GLDN: variants seen among roughly 807,000 people sequenced by gnomAD.
The protein encoded by GLDN is collomin.
Under a neutral mutation model 56.5 loss-of-function variants are expected in GLDN, and 47 were observed. That is an observed-to-expected ratio of 0.83 (90% confidence interval 0.66 to 1.06). GLDN has a LOEUF of 1.06. Ranked by LOEUF, GLDN falls within the 50% of genes least tolerant of loss-of-function variation. The probability of loss-of-function intolerance (pLI) is 0.00; values close to 1 mark genes in which losing one functional copy is unlikely to be tolerated. For missense variants in GLDN, 782 were observed against 714.3 expected (o/e 1.09, Z -1.08); for synonymous variants, 332 against 278.8 (o/e 1.19, Z -1.90).
At chr15:51,383,732 A>C in intron 3 of GLDN, 53 bp from the exon 4 acceptor site, 1 of 1,271,522 alleles carries the variant, frequency 7.9e-7, no homozygotes, top group African/African-American at 1.5e-5. Context: ...ACTTCAGTGA[A>C]TAATTTTTTT....
chr15:51,370,715 G>C (rs1423165170), intron 1 of GLDN, among the ~76,000 whole-genome samples: 1 of 152,154 alleles, frequency 6.6e-6, no homozygotes, highest in Non-Finnish European at 1.5e-5. Context: ...AAATCTGCCA[G>C]GTACAGTGGC....
intron 6 of GLDN, among the ~76,000 whole-genome samples, chr15:51,399,837 C>T (rs2038210318): frequency 6.6e-6 from 1 of 152,192 alleles, no homozygotes; most frequent in Admixed American, 6.5e-5. Context: ...TGCCACCTGC[C>T]AGACAGGCCA....
At chr15:51,361,263 A>G (rs969793260) in intron 1 of GLDN, among the ~76,000 whole-genome samples, 2 of 152,126 alleles carry the variant, frequency 1.3e-5, no homozygotes, top group African/African-American at 2.4e-5. Flanking sequence ...GTTTTCTACA[A>G]TTTTGGCCTC....
rs757916341 is a variant in GLDN at position 51,341,895 on chromosome 15, G to T, written c.211G>T (p.Glu71Ter). The T allele has an allele frequency of 5.7e-6, 9 of 1,587,116 alleles. No homozygotes were observed. Among genetic ancestry groups the T allele is most frequent in the Non-Finnish European group, 6.0e-6 (7 of 1,174,572 alleles). Reference sequence around the variant, plus strand: ...CAGTGCCCTGCGCTCCTTCCTGGCCGAGTTGAGCCGCGCGCCGCGCGGGGC... The same window carrying T: ...CAGTGCCCTGCGCTCCTTCCTGGCCTAGTTGAGCCGCGCGCCGCGCGGGGC... ...EDSALRSFLA[E>*]LSRAPRGASA... Residue 71 changes from glutamate (E) to a stop codon, truncating the protein, a stop_gained, in exon 1 of 10, where the codon GAG becomes TAG. Coordinates refer to ENST00000335449, the MANE Select transcript of GLDN (RefSeq NM_181789.4). LOFTEE classifies it high-confidence loss of function.
intron 6 of GLDN, among the ~76,000 whole-genome samples, chr15:51,398,667 C>A (rs2038186204): frequency 6.6e-6 from 1 of 152,222 alleles, no homozygotes; most frequent in Non-Finnish European, 1.5e-5. Context: ...ATGGCACCAT[C>A]CCCCTCCCCA....
Position 51,397,580 on chromosome 15 carries a change from T to G in GLDN, c.799T>G (p.Phe267Val). The G allele has an allele frequency of 6.3e-7, 1 of 1,597,592 alleles. No individual in the cohort carries two copies. The highest frequency in any genetic ancestry group is 8.5e-7 in the Non-Finnish European group (1 of 1,170,844). The change falls in exon 6 of 10, where the codon TTC becomes GTC. Residue 267 changes from phenylalanine to valine, a missense_variant. Coordinates refer to ENST00000335449, the MANE Select transcript of GLDN (RefSeq NM_181789.4). ...CAAAGGCCCTCGGCAGCCAAGCATG[T>G]TCAACGGCCAGTGCCCAGGTCACCA... ...RAKGPRQPSM[F>V]NGQCPGETCA...
chr15:51,342,640 G>A (rs1311871767), intron 1 of GLDN, among the ~76,000 whole-genome samples: 1 of 152,132 alleles, frequency 6.6e-6, no homozygotes, highest in East Asian at 1.9e-4. Context: ...AGTTGCCCCT[G>A]GATCTCAAGC....
chr15:51,346,539 T>C (rs550084367), intron 1 of GLDN, among the ~76,000 whole-genome samples: 2 of 152,326 alleles, frequency 1.3e-5, no homozygotes, highest in Admixed American at 1.3e-4. Context: ...AAGCTCTAAA[T>C]GGGTCAAAGA....
intron 2 of GLDN, 27 bp from the exon 3 acceptor site, chr15:51,383,409 C>T (rs2037810557): frequency 6.2e-7 from 1 of 1,613,774 alleles, no homozygotes; most frequent in Admixed American, 1.7e-5. Flanking sequence ...GTGCTGGTTT[C>T]TCAACTAAAT....
At chr15:51,351,100 T>G (rs988799664) in intron 1 of GLDN, 2 of 282,762 alleles carry the variant, frequency 7.1e-6, no homozygotes, top group African/African-American at 4.5e-5. Flanking sequence ...AAGATGACAC[T>G]TAAAATGAGA....
At chr15:51,366,782 G>A (rs986618386) in intron 1 of GLDN, among the ~76,000 whole-genome samples, 9 of 152,132 alleles carry the variant, frequency 5.9e-5, no homozygotes, top group South Asian at 2.1e-4. Flanking sequence ...ATGGTGGCAC[G>A]TGACTGTGGT....
rs1408911505 is a variant in GLDN, at chr15:51,341,797, T to G, written c.113T>G (p.Leu38Arg). The change falls in exon 1 of 10, where the codon CTG (leucine) becomes CGG (arginine). Residue 38 changes from leucine (L) to arginine (R), a missense_variant. Transcript: ENST00000335449. ...AACGCTGCGGGCACGGTGTTCGCGC[T>G]GTGCCAGTGGCGCGGGCTGAGCTCG... The part of the protein sequence containing the change: ...ALNAAGTVFA[L>R]CQWRGLSSAL... 6.6e-7 allele frequency: 1 copy of G among 1,511,464 alleles called. No individual in the cohort carries two copies. Among genetic ancestry groups the G allele is most frequent in the South Asian group, 1.2e-5 (1 of 81,572 alleles). 93.6% of individuals were successfully genotyped at this position (1,511,464 alleles called of 1,614,324 possible).
intron 4 of GLDN, among the ~76,000 whole-genome samples, chr15:51,390,957 C>T (rs2038004666): frequency 6.6e-6 from 1 of 152,178 alleles, no homozygotes. Context: ...GTAGAAAATG[C>T]CACACACAGG....
At chr15:51,379,203 C>A (rs1178593467) in intron 2 of GLDN, among the ~76,000 whole-genome samples, 1 of 152,184 alleles carries the variant, frequency 6.6e-6, no homozygotes, top group African/African-American at 2.4e-5. Context: ...TCTGCTAGTA[C>A]AGAGTTTGTC....
chr15:51,404,422 G>C lies in GLDN; in HGVS notation c.1324G>C (p.Val442Leu). Residue 442 changes from valine (V) to leucine (L), a missense_variant, in exon 10 of 10, where the codon GTG (valine) becomes CTG (leucine). Physicochemically the swap from Val to Leu is conservative, Grantham distance 32. Transcript: ENST00000335449. ...KGLWIIYASS[V>L]DGSSILVAQL... ...CCTTTGGATTATCTATGCGTCAAGT[G>C]TGGACGGCTCGAGCATTCTTGTAGC... The C allele has an allele frequency of 6.2e-7, 1 of 1,614,178 alleles. No homozygotes were observed. The highest frequency in any genetic ancestry group is 8.5e-7 in the Non-Finnish European group (1 of 1,180,034).
At chr15:51,363,531 G>A (rs757820209) in intron 1 of GLDN, among the ~76,000 whole-genome samples, 3 of 152,236 alleles carry the variant, frequency 2.0e-5, no homozygotes, top group Non-Finnish European at 4.4e-5. Flanking sequence ...CGCCTGTTAT[G>A]GGCATGTGGG....
At chr15:51,408,530 T>G (rs543197404), downstream of GLDN, among the ~76,000 whole-genome samples, 1 of 152,350 alleles carries the variant, frequency 6.6e-6, no homozygotes, top group African/African-American at 2.4e-5. Flanking sequence ...AGAGTGACCC[T>G]GTTCTTTTTT....
chr15:51,392,131 T>C (rs569183673), intron 4 of GLDN, among the ~76,000 whole-genome samples: 1 of 152,308 alleles, frequency 6.6e-6, no homozygotes, highest in East Asian at 1.9e-4. Flanking sequence ...ATTTTGAATA[T>C]TTATTACTCC....
chr15:51,352,667 C>T (rs777149945), intron 1 of GLDN, among the ~76,000 whole-genome samples: 1 of 152,188 alleles, frequency 6.6e-6, no homozygotes, highest in Non-Finnish European at 1.5e-5. Flanking sequence ...GGCAACAGGG[C>T]TTCTTCAGAG....
Sources: gnomAD v4.1 joint callset for allele counts (sites outside exome capture counted in the v4.1 genomes callset) on GRCh38, gnomAD v4.1.1 for gene constraint, MANE v1.5 for transcripts, NCBI Gene and HGNC (gene_info 2026-07-23, HGNC 2026-07-21) for gene names.